The following SPOCK3 variants were observed in gnomAD, a reference collection of about 807,000 sequenced individuals.
The protein encoded by SPOCK3 is testican-3.
SPOCK3 carries 30 observed loss-of-function variants against 56.6 expected under a neutral mutation model. The observed-to-expected ratio is 0.53, with a 90% CI of 0.40 to 0.72. The LOEUF is 0.72. SPOCK3 is among the 30% of genes least tolerant of loss of function. The pLI is 0.00. For synonymous variants in SPOCK3, 196 were observed against 183.3 expected (o/e 1.07, Z -0.56); for missense variants, 527 against 530.0 (o/e 0.99, Z 0.06).
intron 6 of SPOCK3, among the ~76,000 whole-genome samples, chr4:166,867,062 C>G (rs577304019): frequency 6.6e-6 from 1 of 151,992 alleles, no homozygotes; most frequent in Non-Finnish European, 1.5e-5. Flanking sequence ...TCTCTGCAAG[C>G]TTAACCTAAG....
At chr4:166,947,910 A>G (rs1206384958) in intron 4 of SPOCK3, among the ~76,000 whole-genome samples, 2 of 152,180 alleles carry the variant, frequency 1.3e-5, no homozygotes, top group Admixed American at 6.5e-5. Flanking sequence ...TTTTTGAAAT[A>G]TACATTATTG....
intron 4 of SPOCK3, among the ~76,000 whole-genome samples, chr4:166,970,399 C>T (rs1189068081): frequency 6.6e-6 from 1 of 152,170 alleles, no homozygotes; most frequent in Non-Finnish European, 1.5e-5. Flanking sequence ...TCTTGGCATA[C>T]AGACAACTAT....
intron 2 of SPOCK3, among the ~76,000 whole-genome samples, chr4:167,188,873 T>G (rs1324746858): frequency 6.8e-6 from 1 of 146,272 alleles, no homozygotes. Context: ...GATTAAAAGA[T>G]GCCAACTTCC....
chr4:167,100,076 C>T (rs543149798), intron 2 of SPOCK3, among the ~76,000 whole-genome samples: 228 of 152,202 alleles, frequency 1.5e-3, no homozygotes, highest in African/African-American at 5.4e-3. Flanking sequence ...ATCACTAAGA[C>T]ATGTCTATCC....
Position 166,748,792 on chromosome 4 carries a change from A to G in SPOCK3, c.931+5716T>C, listed in dbSNP as rs141235596. 2.2e-3 allele frequency among the ~76,000 whole-genome samples: 305 copies of G among 137,662 alleles called. 25 individuals are homozygous for G. In the East Asian group the frequency reaches 0.044, roughly 20 times the overall value. The allele number at this position is 137,662 out of a possible 152,430, so 90.3% of individuals were successfully genotyped here. The stretch of plus-strand genomic sequence containing the variant: ...AAAGAACTTGAACAAATTTATAAGA[A>G]AAAAATCAAACAACCCCATCAAAAA... On this transcript the variant is annotated intron_variant, in intron 8 of 10. Coordinates refer to ENST00000357545, the MANE Select transcript of SPOCK3 (RefSeq NM_001040159.2).
chr4:167,167,998 G>C (rs1426040914), intron 2 of SPOCK3, among the ~76,000 whole-genome samples: 2 of 152,042 alleles, frequency 1.3e-5, no homozygotes, highest in Non-Finnish European at 2.9e-5. Context: ...AGATCTGATG[G>C]TTTTATAAAT....
chr4:167,213,628 A>G (rs1198086396), intron 2 of SPOCK3, among the ~76,000 whole-genome samples: 2 of 152,162 alleles, frequency 1.3e-5, no homozygotes, highest in African/African-American at 4.8e-5. Flanking sequence ...ATATTCATTT[A>G]AATATAATGG....
At chr4:167,077,322 G>A (rs923593464) in intron 2 of SPOCK3, among the ~76,000 whole-genome samples, 3 of 151,282 alleles carry the variant, frequency 2.0e-5, no homozygotes, top group Non-Finnish European at 4.4e-5. Context: ...ATCCTGCATT[G>A]CCTACTATTT....
chr4:167,158,251 C>T (rs1054328037), intron 2 of SPOCK3, among the ~76,000 whole-genome samples: 2 of 151,876 alleles, frequency 1.3e-5, no homozygotes, highest in South Asian at 2.1e-4. Context: ...ACACTATAGT[C>T]TTTGGTAATA....
chr4:166,971,957 A>G (rs1404100764), intron 4 of SPOCK3, among the ~76,000 whole-genome samples: 1 of 152,162 alleles, frequency 6.6e-6, no homozygotes, highest in Non-Finnish European at 1.5e-5. Context: ...TTGCAAAAAC[A>G]CAAGTGATTC....
chr4:167,072,398 G>T (rs1366380293), intron 2 of SPOCK3, among the ~76,000 whole-genome samples: 2 of 151,868 alleles, frequency 1.3e-5, no homozygotes, highest in African/African-American at 2.4e-5. Flanking sequence ...TTATGACTGA[G>T]GCCATAAGGC....
intron 6 of SPOCK3, among the ~76,000 whole-genome samples, chr4:166,876,535 C>T (rs1236027518): frequency 6.6e-6 from 1 of 152,036 alleles, no homozygotes; most frequent in Non-Finnish European, 1.5e-5. Flanking sequence ...TGATTTTAAG[C>T]AAACGATAAT....
intron 4 of SPOCK3, among the ~76,000 whole-genome samples, chr4:166,982,416 G>A (rs1281262824): frequency 6.6e-6 from 1 of 152,146 alleles, no homozygotes; most frequent in Non-Finnish European, 1.5e-5. Context: ...CTATAGACGT[G>A]GTGGTAGGCG....
At chr4:167,132,500 T>C (rs948080343) in intron 2 of SPOCK3, among the ~76,000 whole-genome samples, 2 of 152,232 alleles carry the variant, frequency 1.3e-5, no homozygotes, top group Non-Finnish European at 1.5e-5. Context: ...AAGTTATTTA[T>C]TTTAATCTCC....
At chr4:166,814,973 TG>T (rs1297320082) in intron 6 of SPOCK3, among the ~76,000 whole-genome samples, 1 of 152,110 alleles carries the variant, frequency 6.6e-6, no homozygotes, top group African/African-American at 2.4e-5. Context: ...CTGATATCAT[TG>T]CTACAAATGT....
chr4:166,977,661 T>A (rs927674227), intron 4 of SPOCK3, among the ~76,000 whole-genome samples: 4 of 152,126 alleles, frequency 2.6e-5, no homozygotes, highest in African/African-American at 9.7e-5. Flanking sequence ...TTGGAGGATT[T>A]GAGTATCAGA....
At chr4:167,205,242 T>A (rs1166373354) in intron 2 of SPOCK3, among the ~76,000 whole-genome samples, 7 of 83,060 alleles carry the variant, frequency 8.4e-5, no homozygotes, top group East Asian at 3.0e-4. Flanking sequence ...ATAATACATA[T>A]TATATATTAT....
At chr4:166,877,187 T>C (rs1385296170) in intron 6 of SPOCK3, among the ~76,000 whole-genome samples, 1 of 152,164 alleles carries the variant, frequency 6.6e-6, no homozygotes, top group Non-Finnish European at 1.5e-5. Flanking sequence ...TATTTTACCA[T>C]GTACACAAAT....
chr4:166,763,663 G>C (rs1737551958), intron 7 of SPOCK3, among the ~76,000 whole-genome samples: 1 of 152,012 alleles, frequency 6.6e-6, no homozygotes. Context: ...CTGGGGTAGG[G>C]AGGGTAGTGT....
Sources: gnomAD v4.1 joint callset for allele counts (sites outside exome capture counted in the v4.1 genomes callset) on GRCh38, gnomAD v4.1.1 for gene constraint, MANE v1.5 for transcripts, NCBI Gene and HGNC (gene_info 2026-07-23, HGNC 2026-07-21) for gene names.